The following GRIP1 variants were observed in gnomAD, a reference collection of about 807,000 sequenced individuals.
The protein encoded by GRIP1 is glutamate receptor interacting protein 1, also known as glutamate receptor-interacting protein 1.
GRIP1 carries 45 observed loss-of-function variants against 129.9 expected under a neutral mutation model. The ratio of observed to expected loss-of-function variants is 0.35; its 90% CI spans 0.27 to 0.44. GRIP1 has a LOEUF of 0.44. Among genes scored for constraint, GRIP1 ranks in the 20% least tolerant of loss-of-function variants. The pLI, the probability that GRIP1 is intolerant of heterozygous loss-of-function variation, is 1.00. For missense variants in GRIP1, 1,196 were observed against 1,396.8 expected, an observed-to-expected ratio of 0.86 and a Z score of 2.29; for synonymous variants, 530 against 520.8, an observed-to-expected ratio of 1.02 and a Z score of -0.24.
chr12:66,477,826 G>T (rs576514634), intron 7 of GRIP1, among the ~76,000 whole-genome samples: 2 of 152,134 alleles, frequency 1.3e-5, no homozygotes, highest in East Asian at 1.9e-4. Flanking sequence ...GCTAGCCATA[G>T]GTAGAAAGCT....
intron 1 of GRIP1, among the ~76,000 whole-genome samples, chr12:66,775,638 G>A (rs1320992030): frequency 6.6e-6 from 1 of 151,786 alleles, no homozygotes; most frequent in Non-Finnish European, 1.5e-5. Flanking sequence ...GCCTGTAACT[G>A]GACAGAGACC....
Position 66,938,428 on chromosome 12 carries a change from C to T in GRIP1, c.58+130622G>A, listed in dbSNP as rs545377183. 7.2e-5 allele frequency among the ~76,000 whole-genome samples: 11 copies of T among 152,172 alleles called. No homozygotes were observed. The East Asian group carries it at 1.2e-3, about 16-fold the overall frequency. ...TTGATGTGTTAGGCTAAATAAAACA[C>T]ATAATTAAAATTAATTTCACTGTTT... On this transcript the variant is annotated intron_variant, in intron 1 of 1. Transcript: ENST00000643019.
intron 23 of GRIP1, among the ~76,000 whole-genome samples, chr12:66,354,600 A>G (rs1326537260): frequency 6.6e-6 from 1 of 152,190 alleles, no homozygotes; most frequent in Non-Finnish European, 1.5e-5. Context: ...ACTTCAAGCA[A>G]TGGTCAGGCT....
At chr12:66,636,695 CA>C (rs1317644010) in intron 1 of GRIP1, among the ~76,000 whole-genome samples, 2 of 148,918 alleles carry the variant, frequency 1.3e-5, no homozygotes, top group African/African-American at 5.0e-5. Flanking sequence ...CTTTATAAAA[CA>C]GGGGGAGACA....
intron 1 of GRIP1, among the ~76,000 whole-genome samples, chr12:66,980,960 T>C (rs1198293712): frequency 6.6e-6 from 1 of 152,214 alleles, no homozygotes; most frequent in African/African-American, 2.4e-5. Flanking sequence ...AAAGGACCCA[T>C]GTTTAACATA....
At chr12:66,682,170 T>C (rs2034609661), upstream of GRIP1, among the ~76,000 whole-genome samples, 1 of 152,116 alleles carries the variant, frequency 6.6e-6, no homozygotes, top group Non-Finnish European at 1.5e-5. Context: ...ACAAATTCAA[T>C]TAACAAAGTA....
At chr12:66,478,405 T>C (rs546143391) in intron 7 of GRIP1, among the ~76,000 whole-genome samples, 3 of 152,184 alleles carry the variant, frequency 2.0e-5, no homozygotes, top group Admixed American at 6.5e-5. Flanking sequence ...TGTGGAGAAA[T>C]AGGAACACTT....
chr12:66,623,776 T>C (rs1171467906), intron 1 of GRIP1, among the ~76,000 whole-genome samples: 2 of 152,188 alleles, frequency 1.3e-5, no homozygotes, highest in Non-Finnish European at 2.9e-5. Context: ...ACATTTCCTA[T>C]TTGGTTTTTG....
intron 1 of GRIP1, among the ~76,000 whole-genome samples, chr12:66,866,930 C>A (rs983908722): frequency 6.6e-6 from 1 of 152,076 alleles, no homozygotes; most frequent in African/African-American, 2.4e-5. Flanking sequence ...TAAGTATACA[C>A]AATTTTATCT....
chr12:66,464,900 T>A (rs1222213445), intron 8 of GRIP1, among the ~76,000 whole-genome samples: 1 of 152,018 alleles, frequency 6.6e-6, no homozygotes, highest in Non-Finnish European at 1.5e-5. Flanking sequence ...TATATATATT[T>A]AAAATTGCAC....
intron 1 of GRIP1, among the ~76,000 whole-genome samples, chr12:66,635,869 A>C (rs1357446951): frequency 3.3e-5 from 5 of 152,212 alleles, no homozygotes; most frequent in Non-Finnish European, 7.4e-5. Flanking sequence ...TCACCTCTTT[A>C]GTAATCAGGG....
At chr12:66,511,266 AT>A (rs2060690869) in intron 7 of GRIP1, among the ~76,000 whole-genome samples, 1 of 152,150 alleles carries the variant, frequency 6.6e-6, no homozygotes, top group Non-Finnish European at 1.5e-5. Flanking sequence ...CTCCCCAGCC[AT>A]GTGGAACTGT....
intron 1 of GRIP1, among the ~76,000 whole-genome samples, chr12:66,651,107 T>C (rs572287601): frequency 1.3e-5 from 2 of 152,308 alleles, no homozygotes; most frequent in East Asian, 3.9e-4. Context: ...TAGTAGAACA[T>C]TTGTTTCCTA....
At chr12:67,002,775 T>C (rs1288494000) in intron 1 of GRIP1, among the ~76,000 whole-genome samples, 1 of 152,194 alleles carries the variant, frequency 6.6e-6, no homozygotes, top group African/African-American at 2.4e-5. Flanking sequence ...ATTTTTTCTT[T>C]CCTTTCTTTC....
chr12:66,431,680 C>G (rs1305757863), intron 14 of GRIP1, among the ~76,000 whole-genome samples: 1 of 152,178 alleles, frequency 6.6e-6, no homozygotes, highest in Non-Finnish European at 1.5e-5. Context: ...ATTACCTCTA[C>G]GTCTCCTTTG....
chr12:66,652,973 T>C (rs1411796912), intron 1 of GRIP1, among the ~76,000 whole-genome samples: 1 of 152,160 alleles, frequency 6.6e-6, no homozygotes, highest in South Asian at 2.1e-4. Flanking sequence ...ACTCCAGAGG[T>C]AGAAAAGACT....
intron 1 of GRIP1, among the ~76,000 whole-genome samples, chr12:66,613,726 G>A (rs1450841726): frequency 1.3e-5 from 2 of 152,174 alleles, no homozygotes; most frequent in Non-Finnish European, 2.9e-5. Flanking sequence ...AGTTCTGTTT[G>A]GAGAGCTGGC....
At chr12:66,754,248 G>A (rs766282664) in intron 1 of GRIP1, among the ~76,000 whole-genome samples, 5 of 152,038 alleles carry the variant, frequency 3.3e-5, no homozygotes, top group Non-Finnish European at 7.4e-5. Flanking sequence ...ACAAGTAACT[G>A]AAAAAAGGTC....
chr12:66,462,917 A>G lies in GRIP1; in HGVS notation c.1042+7T>C. The G allele has an allele frequency of 1.2e-6, 2 of 1,611,222 alleles. No individual in the cohort carries two copies. The highest frequency in any genetic ancestry group is 1.3e-5 in the African/African-American group (1 of 74,930). ...AGAAAGAGCTTGATCCAGGTGGACCATCTCACCATGGTCGGGCCCCTTTAG... is the reference window on the plus strand; with the variant it reads ...AGAAAGAGCTTGATCCAGGTGGACCGTCTCACCATGGTCGGGCCCCTTTAG... On this transcript the variant is annotated splice_region_variant and intron_variant, in intron 9 of 24. Coordinates refer to ENST00000359742, the MANE Select transcript of GRIP1 (RefSeq NM_001366722.1).
Sources: gnomAD v4.1 joint callset for allele counts (sites outside exome capture counted in the v4.1 genomes callset) on GRCh38, gnomAD v4.1.1 for gene constraint, MANE v1.5 for transcripts, NCBI Gene and HGNC (gene_info 2026-07-23, HGNC 2026-07-21) for gene names.